Variants in RBFOX1 observed in about 807,000 individuals in gnomAD.
RBFOX1 encodes RNA binding fox-1 homolog 1, also known as RNA binding protein fox-1 homolog 1.
A neutral mutation model predicts 57.7 loss-of-function variants in RBFOX1; 8 were observed. The observed-to-expected ratio is 0.14, with a 90% confidence interval of 0.08 to 0.25. The LOEUF (loss-of-function observed/expected upper bound fraction) is 0.25, where lower values mean the gene tolerates loss of function less well. Among genes scored for constraint, RBFOX1 ranks in the 10% least tolerant of loss-of-function variants. The pLI is 1.00. For synonymous variants in RBFOX1, 326 were observed against 222.4 expected (o/e 1.47, Z -4.15); for missense variants, 611 against 548.5 (o/e 1.11, Z -1.14).
chr16:6,056,643 C>T (rs1276070896), intron 1 of RBFOX1, among the ~76,000 whole-genome samples: 3 of 152,104 alleles, frequency 2.0e-5, no homozygotes, highest in Non-Finnish European at 1.5e-5. Flanking sequence ...CTGGCGTGGT[C>T]GCTGACCAAA....
At chr16:7,248,874 A>T (rs544260095) in intron 4 of RBFOX1, among the ~76,000 whole-genome samples, 27 of 152,312 alleles carry the variant, frequency 1.8e-4, no homozygotes, top group African/African-American at 6.3e-4. Context: ...TCCTACCTAT[A>T]TACATAACAA....
intron 3 of RBFOX1, among the ~76,000 whole-genome samples, chr16:7,032,691 C>G (rs1160554624): frequency 6.6e-6 from 1 of 151,924 alleles, no homozygotes; most frequent in Non-Finnish European, 1.5e-5. Context: ...CCAGTGAACA[C>G]ATGGTTCATT....
chr16:7,185,826 T>A (rs2152553431), intron 4 of RBFOX1, among the ~76,000 whole-genome samples: 1 of 152,262 alleles, frequency 6.6e-6, no homozygotes, highest in South Asian at 2.1e-4. Context: ...CTCAGGTACT[T>A]GATGAACAAG....
chr16:7,377,789 T>C (rs1028973570), intron 4 of RBFOX1, among the ~76,000 whole-genome samples: 31 of 152,252 alleles, frequency 2.0e-4, no homozygotes, highest in African/African-American at 7.0e-4. Context: ...TTAAATTTAG[T>C]GGGACAGATA....
At chr16:6,633,807 G>C (rs927577973) in intron 2 of RBFOX1, among the ~76,000 whole-genome samples, 2 of 152,076 alleles carry the variant, frequency 1.3e-5, no homozygotes, top group Admixed American at 6.6e-5. Context: ...TGAGGAGTTT[G>C]AGACTAGCCT....
At chr16:6,668,512 A>T (rs2154107033) in intron 3 of RBFOX1, among the ~76,000 whole-genome samples, 1 of 152,312 alleles carries the variant, frequency 6.6e-6, no homozygotes, top group South Asian at 2.1e-4. Context: ...TTTCATGGAT[A>T]GTGCATGGCT....
chr16:5,386,355 G>C (rs1377732008), intron 1 of RBFOX1, among the ~76,000 whole-genome samples: 1 of 152,060 alleles, frequency 6.6e-6, no homozygotes, highest in Non-Finnish European at 1.5e-5. Flanking sequence ...GCATCTCAAA[G>C]GCCCCAGGGG....
chr16:5,349,204 C>G (rs1442805433), intron 1 of RBFOX1, among the ~76,000 whole-genome samples: 1 of 152,180 alleles, frequency 6.6e-6, no homozygotes, highest in African/African-American at 2.4e-5. Context: ...GTACAAATAC[C>G]ATATGAGTCC....
intron 3 of RBFOX1, among the ~76,000 whole-genome samples, chr16:5,771,206 C>T (rs1456549652): frequency 6.6e-6 from 1 of 152,232 alleles, no homozygotes; most frequent in African/African-American, 2.4e-5. Context: ...AGGCAGATAG[C>T]ATTTGTGGAC....
intron 4 of RBFOX1, among the ~76,000 whole-genome samples, chr16:7,298,296 T>TG (rs1049837166): frequency 4.0e-5 from 6 of 148,252 alleles, no homozygotes; most frequent in African/African-American, 1.2e-4. Context: ...TTTTTTTTTT[T>TG]TTTTTTTTTT....
chr16:7,610,390 T>C (rs547746828), intron 10 of RBFOX1, among the ~76,000 whole-genome samples: 1 of 151,982 alleles, frequency 6.6e-6, no homozygotes, highest in Admixed American at 6.6e-5. Flanking sequence ...TATTTTTTTT[T>C]TTAATATTAA....
chr16:7,594,968 G>C (rs950114213), intron 7 of RBFOX1, among the ~76,000 whole-genome samples: 1 of 152,018 alleles, frequency 6.6e-6, no homozygotes, highest in East Asian at 1.9e-4. Context: ...TTATAAAAAA[G>C]GTCTTTCCTT....
chr16:7,464,167 C>T (rs530877100), intron 4 of RBFOX1, among the ~76,000 whole-genome samples: 9 of 152,176 alleles, frequency 5.9e-5, no homozygotes, highest in Admixed American at 5.9e-4. Flanking sequence ...TTACATTATT[C>T]ACCCATTACA....
chr16:6,019,392 A>G lies in RBFOX1; in HGVS notation c.-727A>G, dbSNP rs1016643873. The G allele has an allele frequency of 7.1e-6, 7 of 985,666 alleles. No homozygotes were observed. The African/African-American group carries it at 1.2e-4, about 17-fold the overall frequency. 61.1% of individuals were successfully genotyped at this position (985,666 alleles called of 1,614,324 possible). ...CTGCGCTGCCCTGAAGTGGTTCTCCAAGCAGCGCGGAGGGTGGCGGACGGC... is the reference window on the plus strand; with the variant it reads ...CTGCGCTGCCCTGAAGTGGTTCTCCGAGCAGCGCGGAGGGTGGCGGACGGC... On this transcript the variant is annotated 5_prime_UTR_variant, in exon 1 of 16. Transcript: ENST00000550418. This position sits in a 1 kb window ranked among gnomAD's most constrained non-coding sequence, Gnocchi z 4.2.
chr16:5,514,891 G>T (rs2043733762), intron 2 of RBFOX1, among the ~76,000 whole-genome samples: 1 of 152,162 alleles, frequency 6.6e-6, no homozygotes. Flanking sequence ...AAAGAAAAGA[G>T]GTTTATTTGG....
chr16:7,043,956 T>G (rs572807618), intron 3 of RBFOX1, among the ~76,000 whole-genome samples: 1 of 152,204 alleles, frequency 6.6e-6, no homozygotes, highest in Non-Finnish European at 1.5e-5. Flanking sequence ...CACTAATACC[T>G]TTTTCAATTC....
intron 3 of RBFOX1, among the ~76,000 whole-genome samples, chr16:6,929,892 T>A (rs568616254): frequency 6.6e-6 from 1 of 152,314 alleles, no homozygotes; most frequent in East Asian, 1.9e-4. Flanking sequence ...TTAGCCCTTA[T>A]GGAGGACAGA....
chr16:7,058,474 C>T (rs948355496), intron 4 of RBFOX1, among the ~76,000 whole-genome samples: 5 of 152,184 alleles, frequency 3.3e-5, no homozygotes, highest in African/African-American at 1.2e-4. Flanking sequence ...GACTTTGCAA[C>T]TTAGCACTTT....
intron 3 of RBFOX1, among the ~76,000 whole-genome samples, chr16:7,004,334 C>G (rs1307082287): frequency 6.6e-6 from 1 of 152,098 alleles, no homozygotes; most frequent in African/African-American, 2.4e-5. Context: ...GTGTATTAAA[C>G]TCCTCAACAT....
Sources: gnomAD v4.1 joint callset for allele counts (sites outside exome capture counted in the v4.1 genomes callset) on GRCh38, gnomAD v4.1.1 for gene constraint, Gnocchi (gnomAD v3.1) non-coding constraint, MANE v1.5 for transcripts, NCBI Gene and HGNC (gene_info 2026-07-23, HGNC 2026-07-21) for gene names.